GMDS: variants seen among roughly 807,000 people sequenced by gnomAD.
GMDS encodes the protein GDP-mannose 4,6-dehydratase.
GMDS carries 20 observed loss-of-function variants against 49.9 expected under a neutral mutation model. That is an observed-to-expected ratio of 0.40 (90% CI 0.28 to 0.58). The LOEUF is 0.58. Ranked by LOEUF, GMDS falls within the 20% of genes least tolerant of loss-of-function variation. The pLI is 0.42. For missense variants in GMDS, 362 were observed against 481.4 expected (o/e 0.75, Z 2.32); for synonymous variants, 177 against 178.6 (o/e 0.99, Z 0.07).
chr6:1,660,646 C>T (rs768126014), intron 9 of GMDS, among the ~76,000 whole-genome samples: 25 of 150,402 alleles, frequency 1.7e-4, no homozygotes, highest in African/African-American at 5.9e-4. Context: ...AGCTGCGAGA[C>T]GCGGGGATGC....
intron 4 of GMDS, among the ~76,000 whole-genome samples, chr6:2,019,808 C>T (rs1480554184): frequency 6.6e-6 from 1 of 152,028 alleles, no homozygotes; most frequent in African/African-American, 2.4e-5. Flanking sequence ...TTTATTTTTT[C>T]AAATGTCAAA....
At chr6:2,002,128 G>A (rs888549246) in intron 4 of GMDS, among the ~76,000 whole-genome samples, 3 of 152,148 alleles carry the variant, frequency 2.0e-5, no homozygotes, top group Non-Finnish European at 4.4e-5. Flanking sequence ...GGGAAAATTG[G>A]ATTTATATAA....
chr6:1,773,229 C>A (rs201377328), intron 7 of GMDS, among the ~76,000 whole-genome samples: 3,097 of 148,206 alleles, frequency 0.021, 102 homozygotes, highest in African/African-American at 0.073. Flanking sequence ...GAGAAGTCTA[C>A]TATTTGAGAG....
At chr6:1,885,390 G>C (rs1759553651) in intron 7 of GMDS, among the ~76,000 whole-genome samples, 1 of 152,100 alleles carries the variant, frequency 6.6e-6, no homozygotes, top group Non-Finnish European at 1.5e-5. Flanking sequence ...TCAAATTAAT[G>C]TGCCACAAAT....
chr6:1,720,830 G>C (rs1766358978), intron 9 of GMDS, among the ~76,000 whole-genome samples: 1 of 152,132 alleles, frequency 6.6e-6, no homozygotes, highest in African/African-American at 2.4e-5. Context: ...GGGAGGGATG[G>C]ACTGGCTTCT....
intron 4 of GMDS, among the ~76,000 whole-genome samples, chr6:2,097,828 A>G (rs1159305954): frequency 1.3e-5 from 2 of 152,206 alleles, no homozygotes; most frequent in Non-Finnish European, 2.9e-5. Context: ...CATGGTTAGG[A>G]TAGTGACAAA....
intron 7 of GMDS, among the ~76,000 whole-genome samples, chr6:1,800,986 A>G (rs780869335): frequency 3.9e-5 from 6 of 152,128 alleles, no homozygotes; most frequent in South Asian, 2.1e-4. Flanking sequence ...GTCCTGTTTC[A>G]GGGTAGTGAA....
At chr6:2,172,971 T>C (rs1561630294) in intron 1 of GMDS, among the ~76,000 whole-genome samples, 1 of 152,148 alleles carries the variant, frequency 6.6e-6, no homozygotes, top group Non-Finnish European at 1.5e-5. Context: ...CAAAGAAAAT[T>C]TGAAAATTTC....
At chr6:1,817,177 A>G (rs1054906351) in intron 7 of GMDS, among the ~76,000 whole-genome samples, 2 of 151,602 alleles carry the variant, frequency 1.3e-5, no homozygotes, top group African/African-American at 4.9e-5. Context: ...AATCTAGAAC[A>G]TGCCTTCCTG....
intron 7 of GMDS, among the ~76,000 whole-genome samples, chr6:1,915,436 C>A (rs1248073316): frequency 6.6e-6 from 1 of 152,220 alleles, no homozygotes; most frequent in Non-Finnish European, 1.5e-5. Flanking sequence ...CAAGGGCAAG[C>A]AGCAGGGGCA....
intron 4 of GMDS, among the ~76,000 whole-genome samples, chr6:2,072,309 T>C (rs1409311683): frequency 6.6e-6 from 1 of 152,172 alleles, no homozygotes; most frequent in Admixed American, 6.5e-5. Flanking sequence ...ATACCATAAT[T>C]CATGAAGGTT....
intron 4 of GMDS, among the ~76,000 whole-genome samples, chr6:1,970,587 C>A (rs926511360): frequency 2.0e-5 from 3 of 152,184 alleles, no homozygotes; most frequent in Non-Finnish European, 4.4e-5. Flanking sequence ...CTTGCCTTGC[C>A]CTCCTGTAGC....
intron 4 of GMDS, among the ~76,000 whole-genome samples, chr6:2,102,849 T>C (rs1774004644): frequency 6.6e-6 from 1 of 152,230 alleles, no homozygotes; most frequent in African/African-American, 2.4e-5. Flanking sequence ...TTTAATTAAA[T>C]TAAAAATTCA....
At position 2,015,650 on chromosome 6, in the gene GMDS, T is replaced by C. The variant is rs1435571942; in HGVS notation, c.346-54684A>G. Among the ~76,000 whole-genome samples, 5 of 152,120 alleles carry C rather than the reference T, an allele frequency of 3.3e-5. No homozygotes were observed. In the East Asian group the frequency reaches 5.8e-4, roughly 18 times the overall value. On this transcript the variant is annotated intron_variant, in intron 4 of 10. Coordinates refer to ENST00000380815, the MANE Select transcript of GMDS (RefSeq NM_001500.4). The stretch of plus-strand genomic sequence containing the variant: ...ATAAAGAAAATAGAGCAGTCCCCCT[T>C]ATCTGTAAGGTGTATTTTCCAAGAT...
chr6:1,927,526 T>G (rs1762083866), intron 7 of GMDS, among the ~76,000 whole-genome samples: 1 of 152,274 alleles, frequency 6.6e-6, no homozygotes, highest in Non-Finnish European at 1.5e-5. Flanking sequence ...ACGACCTTTT[T>G]GCACCAACCC....
intron 2 of GMDS, among the ~76,000 whole-genome samples, chr6:2,120,486 T>C (rs1015831625): frequency 1.3e-5 from 2 of 152,172 alleles, no homozygotes; most frequent in Non-Finnish European, 2.9e-5. Flanking sequence ...TAACCTTATA[T>C]CCATTTCTTT....
At chr6:2,131,829 C>T (rs1420836290) in intron 1 of GMDS, among the ~76,000 whole-genome samples, 2 of 149,066 alleles carry the variant, frequency 1.3e-5, no homozygotes, top group Admixed American at 6.7e-5. Flanking sequence ...AACGTAAGCT[C>T]CTTTTATTTG....
intron 7 of GMDS, among the ~76,000 whole-genome samples, chr6:1,926,922 G>C (rs1440727731): frequency 1.3e-5 from 2 of 152,208 alleles, no homozygotes; most frequent in Non-Finnish European, 2.9e-5. Flanking sequence ...CAAGGAGAAT[G>C]ACCTAACTTT....
At chr6:2,199,320 C>G (rs1396810222) in intron 1 of GMDS, among the ~76,000 whole-genome samples, 1 of 152,122 alleles carries the variant, frequency 6.6e-6, no homozygotes, top group African/African-American at 2.4e-5. Flanking sequence ...TAACAGGAAC[C>G]CAAAATAAAT....
Sources: gnomAD v4.1 joint callset for allele counts (sites outside exome capture counted in the v4.1 genomes callset) on GRCh38, gnomAD v4.1.1 for gene constraint, MANE v1.5 for transcripts, NCBI Gene and HGNC (gene_info 2026-07-23, HGNC 2026-07-21) for gene names.